Variants in UGGT1 observed in about 807,000 individuals in gnomAD.
The protein encoded by UGGT1 is UDP-glucose glycoprotein glucosyltransferase 1, also known as UDP-glucose:glycoprotein glucosyltransferase 1.
Under a neutral mutation model 203.9 loss-of-function variants are expected in UGGT1, and 107 were observed. That is an observed-to-expected ratio of 0.52 (90% confidence interval 0.45 to 0.62). The LOEUF is 0.62. Among genes scored for constraint, UGGT1 ranks in the 20% least tolerant of loss-of-function variants. UGGT1 has a pLI of 0.00. For missense variants in UGGT1, 1,673 were observed against 1,867.2 expected, an observed-to-expected ratio of 0.90 and a Z score of 1.92; for synonymous variants, 628 against 653.5, an observed-to-expected ratio of 0.96 and a Z score of 0.59.
At chr2:128,103,694 T>C (rs996792173) in intron 2 of UGGT1, among the ~76,000 whole-genome samples, 1 of 151,848 alleles carries the variant, frequency 6.6e-6, no homozygotes, top group Admixed American at 6.6e-5. Context: ...TCCAGGTTTC[T>C]TAAGAAATAG....
chr2:128,146,332 C>T (rs1298567100), intron 18 of UGGT1, among the ~76,000 whole-genome samples: 1 of 151,816 alleles, frequency 6.6e-6, no homozygotes, highest in Non-Finnish European at 1.5e-5. Context: ...CAAAACAAAA[C>T]AAAAAACTAT....
intron 13 of UGGT1, among the ~76,000 whole-genome samples, chr2:128,130,633 A>T (rs1289256278): frequency 6.6e-6 from 1 of 152,140 alleles, no homozygotes; most frequent in East Asian, 1.9e-4. Context: ...GTCAGATTTA[A>T]CTGTTTTCTT....
chr2:128,174,377 C>T (rs10180829), intron 30 of UGGT1, among the ~76,000 whole-genome samples: 63,321 of 149,522 alleles, frequency 0.42, 13,609 homozygotes, highest in South Asian at 0.57. Context: ...CAGCTCACTG[C>T]AACCTCCGCC....
Position 128,121,270 on chromosome 2 carries a change from C to A in UGGT1, c.1045C>A (p.Leu349Ile). The A allele has an allele frequency of 6.2e-7, 1 of 1,612,256 alleles. No individual in the cohort carries two copies. The highest frequency in any genetic ancestry group is 8.5e-7 in the Non-Finnish European group (1 of 1,179,572). The change falls in exon 10 of 41, where the codon CTT (leucine) becomes ATT (isoleucine). Residue 349 changes from leucine to isoleucine, a missense_variant. This residue lies in a region of UGGT1 where 1,073 missense variants were observed against 1,078.7 expected (regional missense o/e 0.99). Transcript: ENST00000259253. ...GTTGGCTTTGGTTGTCATGAAGGAT[C>A]TTAGTCAGAATTTTCCTACCAAAGC... is the stretch of plus-strand genomic sequence containing the variant. ...VELALVVMKD[L>I]SQNFPTKARA...
Position 128,180,962 on chromosome 2 carries a change from C to G in UGGT1, c.3973C>G (p.Leu1325Val). Residue 1325 changes from leucine to valine, a missense_variant, in exon 36 of 41, where the codon CTT becomes GTT. Leu to Val is a conservative substitution (Grantham distance 32). Transcript: ENST00000259253. The part of the protein sequence containing the change: ...ELVQYKWPRW[L>V]HQQTEKQRII... ...TGTTCAGTACAAATGGCCCCGGTGG[C>G]TTCATCAACAAACTGAAAAACAGCG... The G allele has an allele frequency of 6.2e-7, 1 of 1,614,144 alleles. No individual in the cohort carries two copies. Among genetic ancestry groups the G allele is most frequent in the East Asian group, 2.2e-5 (1 of 44,882 alleles).
intron 25 of UGGT1, among the ~76,000 whole-genome samples, chr2:128,162,224 T>C (rs1471845676): frequency 2.0e-5 from 3 of 152,090 alleles, no homozygotes; most frequent in African/African-American, 4.8e-5. Flanking sequence ...GCGTTTTTTT[T>C]TTTTGTCGTT....
At chr2:128,160,139 A>T (rs1359384352) in intron 23 of UGGT1, among the ~76,000 whole-genome samples, 1 of 152,206 alleles carries the variant, frequency 6.6e-6, no homozygotes, top group African/African-American at 2.4e-5. Context: ...TTACAGAATG[A>T]TGAGTATATA....
intron 24 of UGGT1, among the ~76,000 whole-genome samples, 193 bp from the exon 25 acceptor site, chr2:128,160,945 A>T (rs1690496529): frequency 6.6e-6 from 1 of 152,276 alleles, no homozygotes; most frequent in African/African-American, 2.4e-5. Context: ...ATTGATAAGT[A>T]AATAACTACA....
intron 26 of UGGT1, among the ~76,000 whole-genome samples, chr2:128,168,740 C>A (rs187861176): frequency 2.9e-4 from 44 of 152,242 alleles, no homozygotes; most frequent in Non-Finnish European, 5.3e-4. Flanking sequence ...CAGGAAGTTA[C>A]CATTCAGTTA....
chr2:128,194,876 C>T lies in UGGT1; in HGVS notation c.*5134C>T, dbSNP rs1411351363. On this transcript the variant is annotated 3_prime_UTR_variant, in exon 41 of 41. Transcript: ENST00000259253. ...CATTTCATTCTTTGGTCTTTCATTTCTCTATATACAGAAATGAAATGACAC... is the reference window on the plus strand; with the variant it reads ...CATTTCATTCTTTGGTCTTTCATTTTTCTATATACAGAAATGAAATGACAC... 6.6e-6 allele frequency: 1 copy of T among 152,070 alleles called. No homozygotes were observed. Among genetic ancestry groups the T allele is most frequent in the Non-Finnish European group, 1.5e-5 (1 of 68,024 alleles). 9.4% of individuals were successfully genotyped at this position (152,070 alleles called of 1,614,324 possible).
In UGGT1 at chr2:128,176,853, G is replaced by A. The variant is rs145942389; in HGVS notation, c.3579G>A (p.Val1193=). 1 of 1,613,986 alleles carries A rather than the reference G, an allele frequency of 6.2e-7. No individual in the cohort carries two copies. Among genetic ancestry groups the A allele is most frequent in the African/African-American group, 1.3e-5 (1 of 74,900 alleles). The change falls in exon 32 of 41, where the codon GTG becomes GTA. Residue 1193 remains valine, a synonymous_variant. Transcript: ENST00000259253. ...GTDSPPDADE[V]VIVLNNFKSK... ...ATTCTCCCCCTGATGCTGATGAGGTGGTTATCGTCCTCAACAACTTCAAAA... is the reference window on the plus strand; with the variant it reads ...ATTCTCCCCCTGATGCTGATGAGGTAGTTATCGTCCTCAACAACTTCAAAA...
intron 26 of UGGT1, among the ~76,000 whole-genome samples, chr2:128,165,667 A>G (rs1008204819): frequency 2.0e-5 from 3 of 152,210 alleles, no homozygotes; most frequent in African/African-American, 7.2e-5. Flanking sequence ...ATTGCACTCC[A>G]GCCTTGGAGA....
At chr2:128,092,186 G>GT (rs1180566310) in intron 1 of UGGT1, among the ~76,000 whole-genome samples, 4 of 150,556 alleles carry the variant, frequency 2.7e-5, no homozygotes, top group African/African-American at 7.3e-5. Flanking sequence ...ATTTTAAATA[G>GT]CTATTTAACA....
At chr2:128,127,845 C>T (rs746809798) in intron 12 of UGGT1, among the ~76,000 whole-genome samples, 19 of 151,968 alleles carry the variant, frequency 1.3e-4, no homozygotes, top group South Asian at 2.1e-4. Flanking sequence ...AGGCTGAGGC[C>T]GGCGGATCAC....
intron 37 of UGGT1, among the ~76,000 whole-genome samples, 178 bp downstream of exon 37, chr2:128,182,468 G>A (rs1258915286): frequency 1.3e-5 from 2 of 152,184 alleles, no homozygotes; most frequent in African/African-American, 2.4e-5. Context: ...GGATGCCAAG[G>A]CAGGTGGATC....
At chr2:128,137,303 C>G (rs1362880174) in intron 15 of UGGT1, among the ~76,000 whole-genome samples, 1 of 152,184 alleles carries the variant, frequency 6.6e-6, no homozygotes, top group Admixed American at 6.5e-5. Flanking sequence ...CCTGTAGTCC[C>G]AGCTACTTGG....
In UGGT1 at chr2:128,187,512, C is replaced by T. The variant is rs145860116; in HGVS notation, c.4540C>T (p.Gln1514Ter). Residue 1514 changes from glutamine (Q) to a stop codon, truncating the protein, a stop_gained, in exon 40 of 41, where the codon CAG becomes TAG. Transcript: ENST00000259253. LOFTEE classifies it high-confidence loss of function. ...EAAVRIVPEW[Q>*]DYDQEIKQLQ... ...AGCTGTGCGGATTGTCCCGGAGTGG[C>T]AGGACTACGACCAAGAGATCAAACA... is the stretch of plus-strand genomic sequence containing the variant. 1.2e-6 allele frequency: 2 copies of T among 1,614,116 alleles called. No individual in the cohort carries two copies. The highest frequency in any genetic ancestry group is 1.7e-6 in the Non-Finnish European group (2 of 1,180,018).
chr2:128,175,128 A>G lies in UGGT1; in HGVS notation c.3539+270A>G, dbSNP rs73955976. On this transcript the variant is annotated intron_variant, in intron 31 of 40. Transcript: ENST00000259253. ...CAATATCCCAGAATCAAATCATTCT[A>G]TCAGTGTGATGCGGCTCATAGATAG... Among the ~76,000 whole-genome samples, 633 of 152,358 alleles carry G rather than the reference A, an allele frequency of 4.2e-3. 5 individuals carry two copies. Among genetic ancestry groups the G allele is most frequent in the African/African-American group, 0.013 (550 of 41,576 alleles).
At chr2:128,116,602 G>C (rs774376684) in intron 8 of UGGT1, among the ~76,000 whole-genome samples, 1 of 151,988 alleles carries the variant, frequency 6.6e-6, no homozygotes, top group South Asian at 2.1e-4. Flanking sequence ...TCGACTCACT[G>C]CAACCTCCAC....
Sources: allele counts gnomAD v4.1 joint callset (sites outside exome capture counted in the v4.1 genomes callset), GRCh38; gene constraint gnomAD v4.1.1; regional missense constraint gnomAD v4.1.1; transcripts MANE v1.5; gene names NCBI Gene and HGNC (gene_info 2026-07-23, HGNC 2026-07-21).